The following ALOX5 variants were observed in gnomAD, a reference collection of about 807,000 sequenced individuals.
ALOX5 encodes polyunsaturated fatty acid 5-lipoxygenase.
Under a neutral mutation model 87.9 loss-of-function variants are expected in ALOX5, and 64 were observed. That is an observed-to-expected ratio of 0.73 (90% CI 0.60 to 0.90). The LOEUF is 0.90. Ranked by LOEUF, ALOX5 falls within the 40% of genes least tolerant of loss-of-function variation. The probability of loss-of-function intolerance (pLI) is 0.00; values close to 1 mark genes in which losing one functional copy is unlikely to be tolerated. For synonymous variants in ALOX5, 388 were observed against 355.1 expected (o/e 1.09, Z -1.04); for missense variants, 822 against 907.5 (o/e 0.91, Z 1.21).
At chr10:45,375,521 A>G (rs892010472) in intron 1 of ALOX5, among the ~76,000 whole-genome samples, 1 of 152,194 alleles carries the variant, frequency 6.6e-6, no homozygotes, top group African/African-American at 2.4e-5. Context: ...CCTTCTCACC[A>G]TTTAGTTTAT....
intron 1 of ALOX5, among the ~76,000 whole-genome samples, chr10:45,379,111 G>A (rs1408284215): frequency 1.3e-5 from 2 of 152,102 alleles, no homozygotes; most frequent in Non-Finnish European, 2.9e-5. Context: ...TCACCCCCAG[G>A]TAGACATCGG....
chr10:45,379,048 CA>C (rs1828052705), intron 1 of ALOX5, among the ~76,000 whole-genome samples: 1 of 152,070 alleles, frequency 6.6e-6, no homozygotes, highest in African/African-American at 2.4e-5. Flanking sequence ...GCTGGAGGGT[CA>C]CCCCACTGTC....
At chr10:45,383,635 G>A (rs959726946) in intron 2 of ALOX5, among the ~76,000 whole-genome samples, 8 of 152,164 alleles carry the variant, frequency 5.3e-5, no homozygotes, top group Non-Finnish European at 8.8e-5. Context: ...AGAGATGACT[G>A]TTACCCCCAT....
chr10:45,408,995 A>C lies in ALOX5; in HGVS notation c.432-3196A>C, dbSNP rs142792099. On this transcript the variant is annotated intron_variant, in intron 3 of 13. Transcript: ENST00000374391. ...TTACATATTTTAAATTCAGCCTAAA[A>C]GTTTCTCTGTACATAGTGAACTGTA... Among the ~76,000 whole-genome samples the C allele has an allele frequency of 4.3e-3, 655 of 152,312 alleles. 9 individuals are homozygous for C. Among genetic ancestry groups the C allele is most frequent in the African/African-American group, 0.015 (634 of 41,552 alleles).
chr10:45,433,747 T>G (rs1165955655), intron 7 of ALOX5, among the ~76,000 whole-genome samples: 6 of 152,220 alleles, frequency 3.9e-5, no homozygotes, highest in African/African-American at 1.4e-4. Context: ...AAGTTTCATT[T>G]AAAAATTTGG....
Position 45,443,843 on chromosome 10 carries a change from G to A in ALOX5, c.1674+15G>A. ...ACTTCGGCCAGGTAGGCAGGGCCGG[G>A]CCCGCTGGGCAGGGCTCCCTTCTCA... On this transcript the variant is annotated intron_variant, in intron 12 of 13. Coordinates refer to ENST00000374391, the MANE Select transcript of ALOX5 (RefSeq NM_000698.5). 1 of 1,587,400 alleles carries A rather than the reference G, an allele frequency of 6.3e-7. No homozygotes were observed. Among genetic ancestry groups the A allele is most frequent in the Non-Finnish European group, 8.6e-7 (1 of 1,167,822 alleles).
At chr10:45,429,346 T>C (rs757682531) in intron 7 of ALOX5, among the ~76,000 whole-genome samples, 2 of 152,140 alleles carry the variant, frequency 1.3e-5, no homozygotes, top group African/African-American at 2.4e-5. Context: ...CATAGGTCCC[T>C]GGGAGTAGGG....
Position 45,393,666 on chromosome 10 carries a change from C to T in ALOX5, c.350-2189C>T, listed in dbSNP as rs1840385385. Among the ~76,000 whole-genome samples the T allele has an allele frequency of 2.0e-5, 3 of 152,214 alleles. No individual in the cohort carries two copies. The South Asian group carries it at 6.2e-4, about 32-fold the overall frequency. ...TTAGGAAAAGAGGAAGTCAAATTGT[C>T]CCTGTTTCCAGATGACATGATTGTA... On this transcript the variant is annotated intron_variant, in intron 2 of 13. Coordinates refer to ENST00000374391, the MANE Select transcript of ALOX5 (RefSeq NM_000698.5).
chr10:45,419,929 AAG>A (rs1343421496), intron 4 of ALOX5, among the ~76,000 whole-genome samples: 7 of 152,158 alleles, frequency 4.6e-5, no homozygotes, highest in Non-Finnish European at 8.8e-5. Context: ...TGGCGGAGGA[AAG>A]AGAGGCCGGA....
In ALOX5 at chr10:45,440,604, C is replaced by A. The variant is rs778716193; in HGVS notation, c.1156C>A (p.Gln386Lys). ...SEVFGIAMYR[Q>K]LPAVHPIFKL... ...GGTTTTTGGCATTGCAATGTACCGCCAGCTGCCTGCTGTGCACCCCATTTT... is the reference window on the plus strand; with the variant it reads ...GGTTTTTGGCATTGCAATGTACCGCAAGCTGCCTGCTGTGCACCCCATTTT... Residue 386 changes from glutamine (Q) to lysine (K), a missense_variant, in exon 8 of 14, where the codon CAG becomes AAG. Physicochemically the swap from Gln to Lys is moderately conservative, Grantham distance 53. Coordinates refer to ENST00000374391, the MANE Select transcript of ALOX5 (RefSeq NM_000698.5). The A allele has an allele frequency of 6.2e-6, 10 of 1,614,174 alleles. No homozygotes were observed. The South Asian group carries it at 1.1e-4, about 18-fold the overall frequency.
chr10:45,443,357 C>G, intron 10 of ALOX5, 59 bp from the exon 11 acceptor site: 1 of 1,592,780 alleles, frequency 6.3e-7, no homozygotes, highest in Non-Finnish European at 8.6e-7. Flanking sequence ...GGGTTGCCGC[C>G]GGGCACCGCT....
chr10:45,374,262 G>A lies in ALOX5; in HGVS notation c.-18G>A, dbSNP rs1187693760. 6.8e-7 allele frequency: 1 copy of A among 1,462,708 alleles called. No homozygotes were observed. The highest frequency in any genetic ancestry group is 9.0e-7 in the Non-Finnish European group (1 of 1,106,338). The allele number at this position is 1,462,708 out of a possible 1,614,324, so 90.6% of individuals were successfully genotyped here. On this transcript the variant is annotated 5_prime_UTR_variant, in exon 1 of 14. Transcript: ENST00000374391. ...CGCGCCGAGGCTCCCGGCGCTCGCT[G>A]CTCCCGCGGCCCGCGCCATGCCCTC... is the stretch of plus-strand genomic sequence containing the variant.
At chr10:45,415,296 G>A (rs1343791056) in intron 4 of ALOX5, among the ~76,000 whole-genome samples, 1 of 152,176 alleles carries the variant, frequency 6.6e-6, no homozygotes, top group Non-Finnish European at 1.5e-5. Context: ...GGACATGGAT[G>A]AAGCTGGAAA....
intron 2 of ALOX5, among the ~76,000 whole-genome samples, chr10:45,391,461 C>T (rs1381598031): frequency 1.1e-4 from 16 of 152,274 alleles, no homozygotes; most frequent in Admixed American, 4.6e-4. Context: ...ACCTCCCAGC[C>T]GCCTGCCTTG....
At chr10:45,443,389 C>T in intron 10 of ALOX5, 27 bp from the exon 11 acceptor site, 2 of 1,595,956 alleles carry the variant, frequency 1.3e-6, no homozygotes, top group Non-Finnish European at 1.7e-6. Context: ...GCTGGGTCGC[C>T]CACCCCGGCT....
chr10:45,415,247 A>G (rs1324784775), intron 4 of ALOX5, among the ~76,000 whole-genome samples: 1 of 152,250 alleles, frequency 6.6e-6, no homozygotes, highest in Non-Finnish European at 1.5e-5. Context: ...ATGGAATACT[A>G]TGCAGCCATA....
chr10:45,415,923 T>G (rs1841274088), intron 4 of ALOX5, among the ~76,000 whole-genome samples: 1 of 152,066 alleles, frequency 6.6e-6, no homozygotes, highest in Admixed American at 6.6e-5. Context: ...TTTGGCAGAG[T>G]GAATTGGGGT....
At chr10:45,394,495 C>A (rs570533707) in intron 2 of ALOX5, among the ~76,000 whole-genome samples, 49 of 152,136 alleles carry the variant, frequency 3.2e-4, no homozygotes, top group African/African-American at 5.3e-4. Context: ...CTAAAACCAT[C>A]AAAACCCTAG....
chr10:45,391,019 A>C (rs1453981549), intron 2 of ALOX5, among the ~76,000 whole-genome samples: 319 of 12,320 alleles, frequency 0.026, 23 homozygotes, highest in African/African-American at 0.036. Context: ...CTCCTCTCCC[A>C]TCTCCCCTCT....
Sources: gnomAD v4.1 joint callset for allele counts (sites outside exome capture counted in the v4.1 genomes callset) on GRCh38, gnomAD v4.1.1 for gene constraint, MANE v1.5 for transcripts, NCBI Gene and HGNC (gene_info 2026-07-23, HGNC 2026-07-21) for gene names.